Variants in FSIP2 observed in about 807,000 individuals in gnomAD.
FSIP2 encodes fibrous sheath interacting protein 2.
In FSIP2, 367 loss-of-function variants were observed where a neutral mutation model predicts 510.5. That is an observed-to-expected ratio of 0.72 (90% CI 0.66 to 0.78). The LOEUF is 0.78. Among genes scored for constraint, FSIP2 ranks in the 30% least tolerant of loss-of-function variants. The probability of loss-of-function intolerance (pLI) is 0.00; values close to 1 mark genes in which losing one functional copy is unlikely to be tolerated. For synonymous variants in FSIP2, 2,601 were observed against 2,732.2 expected (o/e 0.95, Z 1.50); for missense variants, 7,594 against 7,901.7 (o/e 0.96, Z 1.48).
chr2:185,799,777 GATGATTCTTCAATTTATCA>G lies in FSIP2; in HGVS notation c.10475_10493del (p.Asp3492ValfsTer13). 2 of 1,522,356 alleles carry G rather than the reference GATGATTCTTCAATTTATCA, an allele frequency of 1.3e-6. No individual in the cohort carries two copies. The highest frequency in any genetic ancestry group is 2.8e-5 in the African/African-American group (2 of 72,608). 94.3% of individuals were successfully genotyped at this position (1,522,356 alleles called of 1,614,324 possible). On this transcript the variant is annotated frameshift_variant, in exon 17 of 23. Coordinates refer to ENST00000424728, the MANE Select transcript of FSIP2 (RefSeq NM_173651.4). LOFTEE classifies it high-confidence loss of function. Reference sequence around the variant, plus strand: ...AAAACAGTTCCTAAGAAACATATACGATGATTCTTCAATTTATCAATGTTGTGAACATCTCACTGAGTCA... The same window carrying G: ...AAAACAGTTCCTAAGAAACATATACGATGTTGTGAACATCTCACTGAGTCA...
intron 15 of FSIP2, among the ~76,000 whole-genome samples, chr2:185,786,825 G>C (rs1441192113): frequency 6.6e-6 from 1 of 151,834 alleles, no homozygotes; most frequent in Non-Finnish European, 1.5e-5. Flanking sequence ...AACAACACAT[G>C]CTCTGAGACG....
chr2:185,823,372 A>G (rs1248711715), intron 19 of FSIP2, among the ~76,000 whole-genome samples: 1 of 151,802 alleles, frequency 6.6e-6, no homozygotes, highest in Non-Finnish European at 1.5e-5. Context: ...CAATGATAAA[A>G]CAACCCAATT....
chr2:185,783,189 C>CTATT (rs1334550360), intron 14 of FSIP2, among the ~76,000 whole-genome samples: 1 of 152,090 alleles, frequency 6.6e-6, no homozygotes, highest in African/African-American at 2.4e-5. Flanking sequence ...ACCCCAAAGG[C>CTATT]TATTTTGCAG....
chr2:185,815,232 T>G (rs554111385), intron 18 of FSIP2, 139 bp from the exon 19 acceptor site: 1 of 518,584 alleles, frequency 1.9e-6, no homozygotes, highest in Non-Finnish European at 3.4e-6. Flanking sequence ...ATTAGAATTA[T>G]AGGGCCCACA....
intron 13 of FSIP2, 150 bp from the exon 14 acceptor site, chr2:185,782,555 C>G: frequency 1.6e-6 from 1 of 617,282 alleles, no homozygotes; most frequent in Non-Finnish European, 2.9e-6. Flanking sequence ...CAGGTCCTTG[C>G]TAAGGACTTT....
rs1175631223 is a variant in FSIP2, at chr2:185,808,104, T to C, written c.18798T>C (p.Ser6266=). ...IYTSVLKHSG[S]YTSVFKDLMG... ...CCAGTGTTTTAAAGCACTCTGGCTC[T>C]TATACTTCTGTATTTAAAGATTTAA... Residue 6266 remains serine (S), a synonymous_variant, in exon 17 of 23, where the codon TCT becomes TCC. Transcript: ENST00000424728. 4 of 1,606,054 alleles carry C rather than the reference T, an allele frequency of 2.5e-6. No homozygotes were observed. In the African/African-American group the frequency reaches 4.0e-5, roughly 16 times the overall value.
At position 185,824,452 on chromosome 2, in the gene FSIP2, C is replaced by A; in HGVS notation, c.20445C>A (p.His6815Gln). Residue 6815 changes from histidine to glutamine, a missense_variant, in exon 20 of 23, where the codon CAC becomes CAA. Coordinates refer to ENST00000424728, the MANE Select transcript of FSIP2 (RefSeq NM_173651.4). ...GTTTTAGTGAGGCTGAAGATTGTCA[C>A]TCAGACCCAAGTGCTAAAATATTAG... ...ISSTGEAEDC[H>Q]SDPSAKILEE... is the part of the protein sequence containing the mutation. 6.3e-7 allele frequency: 1 copy of A among 1,592,054 alleles called. No homozygotes were observed. Among genetic ancestry groups the A allele is most frequent in the Non-Finnish European group, 8.6e-7 (1 of 1,167,524 alleles).
Position 185,807,596 on chromosome 2 carries a change from G to T in FSIP2, c.18290G>T (p.Gly6097Val), listed in dbSNP as rs565662966. The change falls in exon 17 of 23, where the codon GGA (glycine) becomes GTA (valine). Residue 6097 changes from glycine (G) to valine (V), a missense_variant. Coordinates refer to ENST00000424728, the MANE Select transcript of FSIP2 (RefSeq NM_173651.4). The stretch of plus-strand genomic sequence containing the variant: ...TATAATAATCTCTTGCCACAGTTTG[G>T]ATCACAAGAGATTATACAAAATTGT... ...SVYNNLLPQF[G>V]SQEIIQNCVT... The T allele has an allele frequency of 3.1e-6, 5 of 1,612,542 alleles. No homozygotes were observed. The highest frequency in any genetic ancestry group is 2.7e-5 in the African/African-American group (2 of 74,916).
chr2:185,778,873 C>T (rs550437135), intron 13 of FSIP2, among the ~76,000 whole-genome samples: 1 of 152,032 alleles, frequency 6.6e-6, no homozygotes, highest in East Asian at 1.9e-4. Flanking sequence ...GGCTTGCAAA[C>T]TCCTTAATGT....
chr2:185,814,618 G>A (rs1468788959), intron 18 of FSIP2, among the ~76,000 whole-genome samples: 1 of 151,970 alleles, frequency 6.6e-6, no homozygotes, highest in Non-Finnish European at 1.5e-5. Context: ...TCTTGTTGAT[G>A]GCTCCAAATT....
chr2:185,819,472 A>C (rs1350860950), intron 19 of FSIP2, among the ~76,000 whole-genome samples: 3 of 151,944 alleles, frequency 2.0e-5, no homozygotes, highest in African/African-American at 7.2e-5. Flanking sequence ...CTAAGAATAC[A>C]TGTAGGTTGA....
At chr2:185,784,737 T>A (rs1692927884) in intron 14 of FSIP2, among the ~76,000 whole-genome samples, 1 of 152,098 alleles carries the variant, frequency 6.6e-6, no homozygotes, top group African/African-American at 2.4e-5. Flanking sequence ...CAAAACCCAC[T>A]GCTATTACCT....
chr2:185,824,294 T>A, intron 19 of FSIP2, 140 bp from the exon 20 acceptor site: 1 of 642,444 alleles, frequency 1.6e-6, no homozygotes, highest in Non-Finnish European at 2.8e-6. Context: ...GAAATCATTT[T>A]TATGTGATTT....
At chr2:185,812,113 T>G (rs925505013) in intron 17 of FSIP2, among the ~76,000 whole-genome samples, 1 of 152,050 alleles carries the variant, frequency 6.6e-6, no homozygotes, top group Non-Finnish European at 1.5e-5. Flanking sequence ...TAGATCCACT[T>G]GCATCCTACA....
Position 185,790,160 on chromosome 2 carries a change from A to G in FSIP2, c.3024A>G (p.Ile1008Met), listed in dbSNP as rs1574181369. Residue 1008 changes from isoleucine to methionine, a missense_variant, in exon 16 of 23, where the codon ATA (isoleucine) becomes ATG (methionine). Ile to Met is a conservative substitution (Grantham distance 10). Transcript: ENST00000424728. ...ATTCTGATGATGAAAATGAGGAAAT[A>G]GACAATATTGTAAAAAATGTGCTTG... ...VLYSDDENEE[I>M]DNIVKNVLDS... 1.3e-6 allele frequency: 2 copies of G among 1,532,588 alleles called. No homozygotes were observed. Among genetic ancestry groups the G allele is most frequent in the African/African-American group, 1.4e-5 (1 of 72,962 alleles). The allele number at this position is 1,532,588 out of a possible 1,614,324, so 94.9% of individuals were successfully genotyped here. A position where few individuals can be genotyped will look rare whatever the true frequency, so the allele number is the denominator to read the frequency against.
At chr2:185,827,811 A>G (rs1392961859) in intron 20 of FSIP2, among the ~76,000 whole-genome samples, 2 of 151,894 alleles carry the variant, frequency 1.3e-5, no homozygotes, top group African/African-American at 4.8e-5. Flanking sequence ...TCTATAGAGT[A>G]ATCCCTCATT....
At chr2:185,827,290 G>T (rs1163643567) in intron 20 of FSIP2, among the ~76,000 whole-genome samples, 5 of 151,714 alleles carry the variant, frequency 3.3e-5, no homozygotes, top group Non-Finnish European at 7.4e-5. Context: ...TTGGCCCAAA[G>T]GGTACTTTAT....
Position 185,790,810 on chromosome 2 carries a change from A to G in FSIP2, c.3674A>G (p.Asp1225Gly). Residue 1225 changes from aspartate (D) to glycine (G), a missense_variant, in exon 16 of 23, where the codon GAC (aspartate) becomes GGC (glycine). By Grantham distance (94) the Asp-to-Gly change is moderately conservative. Coordinates refer to ENST00000424728, the MANE Select transcript of FSIP2 (RefSeq NM_173651.4). Reference protein sequence around the residue: ...PNKYPLKTWFDSEKKMKYLSL... With the variant: ...PNKYPLKTWFGSEKKMKYLSL... Reference sequence around the variant, plus strand: ...AAATACCCATTAAAAACATGGTTTGACAGTGAAAAGAAAATGAAATATTTA... The same window carrying G: ...AAATACCCATTAAAAACATGGTTTGGCAGTGAAAAGAAAATGAAATATTTA... The G allele has an allele frequency of 6.5e-7, 1 of 1,533,020 alleles. No homozygotes were observed. Among genetic ancestry groups the G allele is most frequent in the Non-Finnish European group, 8.7e-7 (1 of 1,144,984 alleles). The allele number at this position is 1,533,020 out of a possible 1,614,324, so 95.0% of individuals were successfully genotyped here.
At chr2:185,820,120 CAT>C (rs1693887533) in intron 19 of FSIP2, among the ~76,000 whole-genome samples, 2 of 151,928 alleles carry the variant, frequency 1.3e-5, no homozygotes, top group South Asian at 2.1e-4. Context: ...ATAATCCCCA[CAT>C]GTCGTGAGAA....
Sources: allele counts gnomAD v4.1 joint callset (sites outside exome capture counted in the v4.1 genomes callset), GRCh38; gene constraint gnomAD v4.1.1; transcripts MANE v1.5; gene names NCBI Gene and HGNC (gene_info 2026-07-23, HGNC 2026-07-21).